The following MAP3K20 variants were observed in gnomAD, a reference collection of about 807,000 sequenced individuals.
The protein encoded by MAP3K20 is HCCS-4.
In MAP3K20, 40 loss-of-function variants were observed where a neutral mutation model predicts 85.7. That is an observed-to-expected ratio of 0.47 (90% CI 0.36 to 0.61). The LOEUF is 0.61. MAP3K20 is among the 20% of genes least tolerant of loss of function. MAP3K20 has a pLI of 0.00. For missense variants in MAP3K20, 817 were observed against 961.7 expected (o/e 0.85, Z 1.99); for synonymous variants, 325 against 327.7 (o/e 0.99, Z 0.09).
intron 7 of MAP3K20, among the ~76,000 whole-genome samples, chr2:173,197,339 A>C (rs1310683665): frequency 6.6e-6 from 1 of 152,212 alleles, no homozygotes; most frequent in Non-Finnish European, 1.5e-5. Context: ...CACAAAGATG[A>C]ACACACACAT....
chr2:173,228,749 T>TAA (rs1312135043), intron 11 of MAP3K20, among the ~76,000 whole-genome samples: 1 of 152,196 alleles, frequency 6.6e-6, no homozygotes, highest in Non-Finnish European at 1.5e-5. Flanking sequence ...AAAATACCTG[T>TAA]AAGTTAGAAA....
intron 1 of MAP3K20, among the ~76,000 whole-genome samples, chr2:173,083,640 AT>A (rs1687068651): frequency 6.6e-6 from 1 of 152,154 alleles, no homozygotes; most frequent in South Asian, 2.1e-4. Context: ...AGCTTTCCTC[AT>A]TTTTTTGAAG....
At chr2:173,139,070 A>T (rs563696179) in intron 2 of MAP3K20, among the ~76,000 whole-genome samples, 1 of 152,246 alleles carries the variant, frequency 6.6e-6, no homozygotes, top group Non-Finnish European at 1.5e-5. Flanking sequence ...AAATGATAGT[A>T]TATAATATTA....
chr2:173,128,873 C>T (rs1688523500), intron 2 of MAP3K20, among the ~76,000 whole-genome samples: 1 of 151,350 alleles, frequency 6.6e-6, no homozygotes, highest in Admixed American at 6.6e-5. Flanking sequence ...GAAATATGCT[C>T]CTTCAAGGAA....
Position 173,224,028 on chromosome 2 carries a change from T to G in MAP3K20, c.988-5661T>G, listed in dbSNP as rs530554941. On this transcript the variant is annotated intron_variant, in intron 11 of 19. Transcript: ENST00000375213. ...CTGTGCCAGACACTGTTCTGGAAGA[T>G]AGCTAGATGAAAATCTTTGCACTCA... 1.2e-5 allele frequency: 12 copies of G among 983,242 alleles called. No homozygotes were observed. The African/African-American group carries it at 2.1e-4, about 17-fold the overall frequency. The allele number at this position is 983,242 out of a possible 1,614,324, so 60.9% of individuals were successfully genotyped here. A position where few individuals can be genotyped will look rare whatever the true frequency, so the allele number is the denominator to read the frequency against.
intron 17 of MAP3K20, among the ~76,000 whole-genome samples, chr2:173,260,028 CAAT>C (rs1297638828): frequency 6.6e-6 from 1 of 151,592 alleles, no homozygotes; most frequent in Non-Finnish European, 1.5e-5. Context: ...TCAACCGAAA[CAAT>C]AATAATCCTA....
rs1685431422 is a variant in MAP3K20, at chr2:173,266,662, A to G, written c.2315A>G (p.Glu772Gly). Residue 772 changes from glutamate to glycine, a missense_variant, in exon 20 of 20, where the codon GAA becomes GGA. Glu to Gly is a moderately conservative substitution (Grantham distance 98). This residue lies in a region of MAP3K20 where 454 missense variants were observed against 476.9 expected (regional missense o/e 0.95). Transcript: ENST00000375213. ...KVSEGGWTKV[E>G]YRKKPHRPSP... ...AGCGAAGGGGGCTGGACAAAAGTGG[A>G]ATACCGGAAAAAGCCCCACAGGCCA... 6.2e-7 allele frequency: 1 copy of G among 1,612,258 alleles called. No individual in the cohort carries two copies. The highest frequency in any genetic ancestry group is 8.5e-7 in the Non-Finnish European group (1 of 1,179,156).
At chr2:173,203,963 C>A in intron 9 of MAP3K20, 93 bp downstream of exon 9, 1 of 1,181,690 alleles carries the variant, frequency 8.5e-7, no homozygotes, top group Non-Finnish European at 1.3e-6. Context: ...AAATTCATTA[C>A]AAAGCAAAGC....
intron 4 of MAP3K20, 32 bp from the exon 5 acceptor site, chr2:173,187,526 T>TA: frequency 6.4e-7 from 1 of 1,564,788 alleles, no homozygotes; most frequent in East Asian, 2.3e-5. Flanking sequence ...TGAAAAATAT[T>TA]AATAGGCCTT....
At chr2:173,123,418 G>A (rs970575357) in intron 2 of MAP3K20, among the ~76,000 whole-genome samples, 1 of 152,112 alleles carries the variant, frequency 6.6e-6, no homozygotes, top group Non-Finnish European at 1.5e-5. Flanking sequence ...TTTCCTTCTG[G>A]GTGATGCTGT....
At chr2:173,082,338 A>G (rs187072587) in intron 1 of MAP3K20, among the ~76,000 whole-genome samples, 12 of 152,276 alleles carry the variant, frequency 7.9e-5, no homozygotes, top group Admixed American at 6.5e-4. Context: ...AAAACATAAT[A>G]TAAGGTCTTA....
At chr2:173,178,392 T>C (rs1690228774) in intron 3 of MAP3K20, among the ~76,000 whole-genome samples, 1 of 152,186 alleles carries the variant, frequency 6.6e-6, no homozygotes, top group South Asian at 2.1e-4. Flanking sequence ...GCCTGTAATC[T>C]TAGCACTTGC....
At chr2:173,189,184 A>G (rs552413176) in intron 5 of MAP3K20, among the ~76,000 whole-genome samples, 2 of 152,302 alleles carry the variant, frequency 1.3e-5, no homozygotes, top group South Asian at 4.1e-4. Context: ...CAGTTTTTCT[A>G]GTGAGCACTT....
chr2:173,263,152 T>C (rs1685334244), intron 18 of MAP3K20, among the ~76,000 whole-genome samples: 1 of 152,214 alleles, frequency 6.6e-6, no homozygotes, highest in African/African-American at 2.4e-5. Context: ...AAGTAATGTG[T>C]CTTGACCTAG....
chr2:173,100,283 C>T (rs1687600412), intron 2 of MAP3K20, among the ~76,000 whole-genome samples: 1 of 152,184 alleles, frequency 6.6e-6, no homozygotes, highest in African/African-American at 2.4e-5. Flanking sequence ...TACACCATTG[C>T]CCTCTTCTTC....
At chr2:173,204,955 T>A (rs1465764957) in intron 9 of MAP3K20, among the ~76,000 whole-genome samples, 1 of 151,644 alleles carries the variant, frequency 6.6e-6, no homozygotes, top group Non-Finnish European at 1.5e-5. Flanking sequence ...TACAAAAAAT[T>A]AGCCGGGCGT....
intron 14 of MAP3K20, among the ~76,000 whole-genome samples, chr2:173,234,388 G>A (rs1230249525): frequency 6.6e-6 from 1 of 152,118 alleles, no homozygotes; most frequent in African/African-American, 2.4e-5. Context: ...TGTGAGACTG[G>A]GCCTATGAAG....
At chr2:173,076,046 G>A (rs1371158914) in intron 1 of MAP3K20, 44 bp downstream of exon 1, 4 of 980,798 alleles carry the variant, frequency 4.1e-6, no homozygotes, top group Non-Finnish European at 4.8e-6. Flanking sequence ...GAGGGAGGGG[G>A]CGAGGCCCGC....
At chr2:173,085,712 C>T (rs961147869) in intron 1 of MAP3K20, among the ~76,000 whole-genome samples, 1 of 145,706 alleles carries the variant, frequency 6.9e-6, no homozygotes. Flanking sequence ...TATAAAACAA[C>T]AGTTAGAATC....
Sources: allele counts gnomAD v4.1 joint callset (sites outside exome capture counted in the v4.1 genomes callset), GRCh38; gene constraint gnomAD v4.1.1; regional missense constraint gnomAD v4.1.1; transcripts MANE v1.5; gene names NCBI Gene and HGNC (gene_info 2026-07-23, HGNC 2026-07-21).